Variants in MYLK4 observed in about 807,000 individuals in gnomAD.
The protein encoded by MYLK4 is myosin light chain kinase family member 4, also known as caMLCK like.
MYLK4 carries 46 observed loss-of-function variants against 48.1 expected under a neutral mutation model. The ratio of observed to expected loss-of-function variants is 0.96; its 90% CI spans 0.75 to 1.22. The LOEUF (loss-of-function observed/expected upper bound fraction) is 1.22. Ranked by LOEUF, MYLK4 falls within the 50% of genes most tolerant of loss-of-function variation. The pLI is 0.00. For missense variants in MYLK4, 451 were observed against 486.1 expected (o/e 0.93, Z 0.68); for synonymous variants, 170 against 180.8 (o/e 0.94, Z 0.48).
chr6:2,723,446 T>C (rs1763140967), intron 2 of MYLK4, among the ~76,000 whole-genome samples: 1 of 152,242 alleles, frequency 6.6e-6, no homozygotes, highest in Admixed American at 6.5e-5. Flanking sequence ...GCTGAAGCAA[T>C]TGAGCATTCA....
At chr6:2,684,609 T>C (rs1561837681) in intron 6 of MYLK4, among the ~76,000 whole-genome samples, 1 of 151,984 alleles carries the variant, frequency 6.6e-6, no homozygotes, top group Non-Finnish European at 1.5e-5. Flanking sequence ...CAAAAAACAA[T>C]AAAAATTGAC....
intron 12 of MYLK4, among the ~76,000 whole-genome samples, chr6:2,669,550 G>A (rs929321951): frequency 2.0e-5 from 3 of 152,182 alleles, no homozygotes; most frequent in African/African-American, 7.2e-5. Flanking sequence ...GTGGTTTGTG[G>A]CAAACCCTCG....
chr6:2,686,081 A>G (rs1561839328), intron 4 of MYLK4, among the ~76,000 whole-genome samples: 1 of 101,262 alleles, frequency 9.9e-6, no homozygotes, highest in Non-Finnish European at 1.9e-5. Context: ...AAAAAAAAAA[A>G]AGAAGAAAGA....
At chr6:2,763,406 G>A in the MYLK4 span, among the ~76,000 whole-genome samples, 2 of 152,232 alleles carry the variant, frequency 1.3e-5, no homozygotes, top group South Asian at 2.1e-4. Flanking sequence ...TCTCAGGGAG[G>A]CTTGGGCCGC....
At chr6:2,765,985 C>G in the MYLK4 span, 2 of 1,398,806 alleles carry the variant, frequency 1.4e-6, no homozygotes, top group African/African-American at 1.5e-5. Context: ...GCGGCGCCCG[C>G]CTTATCCCCG....
intron 2 of MYLK4, among the ~76,000 whole-genome samples, chr6:2,736,600 T>G (rs1040538639): frequency 6.6e-6 from 1 of 152,274 alleles, no homozygotes; most frequent in Non-Finnish European, 1.5e-5. Context: ...TAAGTCATTA[T>G]GTTATGGTGA....
the MYLK4 span, chr6:2,766,178 C>T: frequency 6.6e-6 from 9 of 1,370,960 alleles, no homozygotes; most frequent in East Asian, 3.0e-5. Flanking sequence ...CGAGGACGAC[C>T]CGGGGCACTG....
At chr6:2,708,034 T>C (rs1762553986) in intron 2 of MYLK4, among the ~76,000 whole-genome samples, 1 of 152,212 alleles carries the variant, frequency 6.6e-6, no homozygotes, top group African/African-American at 2.4e-5. Flanking sequence ...TTAATATCTT[T>C]ATTAAAACTC....
At chr6:2,724,693 G>A (rs917104729) in intron 2 of MYLK4, among the ~76,000 whole-genome samples, 13 of 152,134 alleles carry the variant, frequency 8.5e-5, no homozygotes, top group South Asian at 2.1e-4. Context: ...GTAATGATGC[G>A]GTGAACACAG....
chr6:2,703,537 A>G (rs1297941651), intron 2 of MYLK4, among the ~76,000 whole-genome samples: 1 of 152,150 alleles, frequency 6.6e-6, no homozygotes, highest in East Asian at 1.9e-4. Flanking sequence ...TTGAAGCCCA[A>G]GGACATTTTT....
At chr6:2,762,823 G>A in the MYLK4 span, among the ~76,000 whole-genome samples, 15 of 152,260 alleles carry the variant, frequency 9.9e-5, no homozygotes, top group East Asian at 1.9e-3. Flanking sequence ...AGAGGTCTTA[G>A]GTCAGCATCT....
intron 2 of MYLK4, among the ~76,000 whole-genome samples, chr6:2,698,535 G>C (rs563947519): frequency 2.0e-5 from 3 of 152,316 alleles, no homozygotes; most frequent in African/African-American, 4.8e-5. Flanking sequence ...GCATATTACT[G>C]TTTGTGGAAA....
At chr6:2,725,577 A>AAGAAAG (rs748564605) in intron 2 of MYLK4, among the ~76,000 whole-genome samples, 1,768 of 128,956 alleles carry the variant, frequency 0.014, 18 homozygotes, top group Non-Finnish European at 0.019. Flanking sequence ...GAAAGAAAGA[A>AAGAAAG]AAAGAAAGAG....
chr6:2,692,961 A>G (rs1582054018), intron 2 of MYLK4, 102 bp from the exon 3 acceptor site: 1 of 1,072,754 alleles, frequency 9.3e-7, no homozygotes, highest in East Asian at 2.7e-5. Flanking sequence ...GTGGTGGGGA[A>G]TGTCACGAGC....
At chr6:2,680,395 C>T in intron 7 of MYLK4, 104 bp from the exon 8 acceptor site, 98 of 1,581,634 alleles carry the variant, frequency 6.2e-5, no homozygotes, top group Non-Finnish European at 8.3e-5. Flanking sequence ...AAAAACATAT[C>T]AGGCCTTTCA....
At chr6:2,703,665 CTTTTT>C (rs3055234) in intron 2 of MYLK4, among the ~76,000 whole-genome samples, 6 of 95,120 alleles carry the variant, frequency 6.3e-5, no homozygotes, top group Non-Finnish European at 7.6e-5. Flanking sequence ...TTTGTGAATT[CTTTTT>C]TTTTTTTTTT....
At chr6:2,764,913 C>T in the MYLK4 span, among the ~76,000 whole-genome samples, 1 of 152,218 alleles carries the variant, frequency 6.6e-6, no homozygotes, top group South Asian at 2.1e-4. Context: ...TGTTCACGTC[C>T]AATAGAACAC....
intron 2 of MYLK4, among the ~76,000 whole-genome samples, chr6:2,738,767 A>G (rs1298057890): frequency 3.3e-5 from 5 of 152,250 alleles, no homozygotes; most frequent in Admixed American, 2.0e-4. Flanking sequence ...TTCATCACTG[A>G]TAGCGCTTGT....
At chr6:2,699,593 A>G (rs1762215103) in intron 2 of MYLK4, among the ~76,000 whole-genome samples, 1 of 151,902 alleles carries the variant, frequency 6.6e-6, no homozygotes, top group Non-Finnish European at 1.5e-5. Context: ...CACCATGCCC[A>G]GCTGCTACCA....
Sources: allele counts gnomAD v4.1 joint callset (sites outside exome capture counted in the v4.1 genomes callset), GRCh38; gene constraint gnomAD v4.1.1; transcripts MANE v1.5; gene names NCBI Gene and HGNC (gene_info 2026-07-23, HGNC 2026-07-21).